Variants in TRH observed in about 807,000 individuals in gnomAD.
The protein encoded by TRH is thyrotropin releasing hormone.
In TRH, 5 loss-of-function variants were observed where a neutral mutation model predicts 5.2. That is an observed-to-expected ratio of 0.95 (90% CI 0.50 to 2.00). TRH has a LOEUF of 2.00. Among genes scored for constraint, TRH ranks in the 30% most tolerant of loss-of-function variants. The pLI is 0.01. For missense variants in TRH, 318 were observed against 312.8 expected (o/e 1.02, Z -0.13); for synonymous variants, 131 against 128.6 (o/e 1.02, Z -0.13).
rs761922400 is a variant in TRH at position 129,977,152 on chromosome 3, C to T, written c.665C>T (p.Ala222Val). The change falls in exon 3 of 3, where the codon GCT (alanine) becomes GTT (valine). Residue 222 changes from alanine to valine, a missense_variant. Transcript: ENST00000302649. Reference sequence around the variant, plus strand: ...GATGACCTGAGTAGGAGCCAGGGAGCTGAGGAAAAGCGGCAGCACCCTGGT... The same window carrying T: ...GATGACCTGAGTAGGAGCCAGGGAGTTGAGGAAAAGCGGCAGCACCCTGGT... Reference protein sequence around the residue: ...LLDDLSRSQGAEEKRQHPGRR... With the variant: ...LLDDLSRSQGVEEKRQHPGRR... 4 of 1,523,504 alleles carry T rather than the reference C, an allele frequency of 2.6e-6. No homozygotes were observed. The East Asian group carries it at 9.1e-5, about 35-fold the overall frequency. 94.4% of individuals were successfully genotyped at this position (1,523,504 alleles called of 1,614,324 possible).
intron 2 of TRH, 90 bp from the exon 3 acceptor site, chr3:129,976,608 AC>A (rs1279335918): frequency 1.4e-6 from 2 of 1,421,062 alleles, no homozygotes; most frequent in Non-Finnish European, 1.9e-6. Context: ...CAGGAAATGT[AC>A]CCTGCCTGGG....
At position 129,977,261 on chromosome 3, in the gene TRH, G is replaced by C; in HGVS notation, c.*45G>C. On this transcript the variant is annotated 3_prime_UTR_variant, in exon 3 of 3. Coordinates refer to ENST00000302649, the MANE Select transcript of TRH (RefSeq NM_007117.5). ...CGAGTTTGTGGTCTAAGGATGTCTT[G>C]AGCCCTGTGTGCCCCACCATTCATG... 1.3e-6 allele frequency: 2 copies of C among 1,503,438 alleles called. No individual in the cohort carries two copies. The highest frequency in any genetic ancestry group is 1.4e-5 in the South Asian group (1 of 71,782). 93.1% of individuals were successfully genotyped at this position (1,503,438 alleles called of 1,614,324 possible).
Position 129,976,811 on chromosome 3 carries a change from G to A in TRH, c.324G>A (p.Val108=), listed in dbSNP as rs957831458. Reference sequence around the variant, plus strand: ...AGGAAGAGGAAGAAGGGGGGGCTGTGGGACCCCACAAACGGCAGCACCCTG... The same window carrying A: ...AGGAAGAGGAAGAAGGGGGGGCTGTAGGACCCCACAAACGGCAGCACCCTG... ...EEEEEEEGGA[V]GPHKRQHPGR... The change falls in exon 3 of 3, where the codon GTG becomes GTA. Residue 108 remains valine, a synonymous_variant. Coordinates refer to ENST00000302649, the MANE Select transcript of TRH (RefSeq NM_007117.5). The A allele has an allele frequency of 3.1e-6, 5 of 1,613,966 alleles. No individual in the cohort carries two copies. The African/African-American group carries it at 6.7e-5, about 22-fold the overall frequency.
In TRH at chr3:129,975,996, GC is replaced by G. The variant is rs1560666825; in HGVS notation, c.181del (p.Arg61GlyfsTer69). 6.2e-7 allele frequency: 1 copy of G among 1,614,154 alleles called. No individual in the cohort carries two copies. Among genetic ancestry groups the G allele is most frequent in the Non-Finnish European group, 8.5e-7 (1 of 1,179,992 alleles). On this transcript the variant is annotated frameshift_variant, in exon 2 of 3. Transcript: ENST00000302649. LOFTEE classifies it low-confidence loss of function (END_TRUNC). The part of the protein sequence containing the change: ...RLLFLRENIQ[R>X]LQGDQGEHSA... Reference sequence around the variant, plus strand: ...TCCTCTTCCTCCGGGAAAACATCCAGCGGCTGCAAGGGGACCAGGGTGAGCA... The same window carrying G: ...TCCTCTTCCTCCGGGAAAACATCCAGGGCTGCAAGGGGACCAGGGTGAGCA...
rs1560667269 is a variant in TRH, at chr3:129,976,843, GAGA to G, written c.360_362del (p.Glu120del). 1.2e-6 allele frequency: 2 copies of G among 1,613,842 alleles called. No homozygotes were observed. The highest frequency in any genetic ancestry group is 8.5e-7 in the Non-Finnish European group (1 of 1,179,876). ...CACAAACGGCAGCACCCTGGCCGAC[GAGA>G]AGATGAGGCTTCATGGTCAGTCGAT... On this transcript the variant is annotated inframe_deletion, in exon 3 of 3. Coordinates refer to ENST00000302649, the MANE Select transcript of TRH (RefSeq NM_007117.5).
intron 1 of TRH, among the ~76,000 whole-genome samples, chr3:129,975,201 G>A (rs1451066939): frequency 6.6e-6 from 1 of 152,238 alleles, no homozygotes. Context: ...TAGCGTTGAA[G>A]TTAGGATTTT....
In TRH at chr3:129,977,706, G is replaced by A. The variant is rs567465570; in HGVS notation, c.*490G>A. ...CAGGACCCAGGATCTTCTCCTTTCTGGGCATCCCTTTGTGGGTGGGCAGAG... is the reference window on the plus strand; with the variant it reads ...CAGGACCCAGGATCTTCTCCTTTCTAGGCATCCCTTTGTGGGTGGGCAGAG... On this transcript the variant is annotated 3_prime_UTR_variant, in exon 3 of 3. Transcript: ENST00000302649. The A allele has an allele frequency of 6.5e-6, 1 of 153,408 alleles. No homozygotes were observed. Among genetic ancestry groups the A allele is most frequent in the Non-Finnish European group, 1.4e-5 (1 of 68,980 alleles). 9.5% of individuals were successfully genotyped at this position (153,408 alleles called of 1,614,324 possible).
chr3:129,976,994 A>AGAG lies in TRH; in HGVS notation c.519_521dup (p.Glu175dup). 1.9e-6 allele frequency: 3 copies of AGAG among 1,613,598 alleles called. No individual in the cohort carries two copies. Among genetic ancestry groups the AGAG allele is most frequent in the Non-Finnish European group, 2.5e-6 (3 of 1,179,872 alleles). ...CCAAGGCTCAAAGGAGCTGGGAAGAAGAGGAGGAGGAGGAAGAGAGAGAGG... is the reference window on the plus strand; with the variant it reads ...CCAAGGCTCAAAGGAGCTGGGAAGAAGAGGAGGAGGAGGAGGAAGAGAGAGAGG... On this transcript the variant is annotated inframe_insertion, in exon 3 of 3. Coordinates refer to ENST00000302649, the MANE Select transcript of TRH (RefSeq NM_007117.5).
At position 129,976,047 on chromosome 3, in the gene TRH, G is replaced by A. The variant is rs775532998; in HGVS notation, c.211+20G>A. 6.2e-7 allele frequency: 1 copy of A among 1,610,602 alleles called. No homozygotes were observed. Among genetic ancestry groups the A allele is most frequent in the Non-Finnish European group, 8.5e-7 (1 of 1,178,100 alleles). ...ACTCCGGTGAGTGGATGGGGCTGTTGGGGGCTGTGGGGCTAGGCTATTGGG... is the reference window on the plus strand; with the variant it reads ...ACTCCGGTGAGTGGATGGGGCTGTTAGGGGCTGTGGGGCTAGGCTATTGGG... On this transcript the variant is annotated intron_variant, in intron 2 of 2. Transcript: ENST00000302649.
Position 129,975,921 on chromosome 3 carries a change from G to T in TRH, c.105G>T (p.Thr35=). The T allele has an allele frequency of 6.2e-7, 1 of 1,613,504 alleles. No individual in the cohort carries two copies. The highest frequency in any genetic ancestry group is 8.5e-7 in the Non-Finnish European group (1 of 1,179,876). The change falls in exon 2 of 3, where the codon ACG becomes ACT. Residue 35 remains threonine (T), a synonymous_variant. Transcript: ENST00000302649. ...AGGCGGCCCAGCAGGAGGCAGTGAC[G>T]GCCGCGGAGCATCCGGGCCTGGATG... The part of the protein sequence containing the change: ...QPEAAQQEAV[T]AAEHPGLDDF...
chr3:129,976,743 C>A lies in TRH; in HGVS notation c.256C>A (p.Pro86Thr), dbSNP rs773131803. 4.3e-6 allele frequency: 7 copies of A among 1,613,856 alleles called. No homozygotes were observed. Among genetic ancestry groups the A allele is most frequent in the Middle Eastern group, 1.7e-4 (1 of 6,060 alleles). ...QSDWLSKRQHPGKREEEEEEG... is the reference protein window; with the variant it reads ...QSDWLSKRQHTGKREEEEEEG... ...TGACTGGCTCTCCAAACGTCAGCATCCAGGCAAAAGAGAGGAGGAGGAGGA... is the reference window on the plus strand; with the variant it reads ...TGACTGGCTCTCCAAACGTCAGCATACAGGCAAAAGAGAGGAGGAGGAGGA... The change falls in exon 3 of 3, where the codon CCA becomes ACA. Residue 86 changes from proline to threonine, a missense_variant. By Grantham distance (38) the Pro-to-Thr change is conservative. Transcript: ENST00000302649.
rs956788272 is a variant in TRH, at chr3:129,977,408, G to C, written c.*192G>C. On this transcript the variant is annotated 3_prime_UTR_variant, in exon 3 of 3. Transcript: ENST00000302649. Reference sequence around the variant, plus strand: ...TTCCTTTAGGCATGTGAGAAAATCAGCCTAGCAGTTTAAACCCCACTTTCC... The same window carrying C: ...TTCCTTTAGGCATGTGAGAAAATCACCCTAGCAGTTTAAACCCCACTTTCC... 2.8e-6 allele frequency: 2 copies of C among 716,808 alleles called. No individual in the cohort carries two copies. The highest frequency in any genetic ancestry group is 4.0e-6 in the Non-Finnish European group (2 of 497,448). The allele number at this position is 716,808 out of a possible 1,614,324, so 44.4% of individuals were successfully genotyped here. A position where few individuals can be genotyped will look rare whatever the true frequency, so the allele number is the denominator to read the frequency against.
rs1313695492 is a variant in TRH, at chr3:129,976,807, C to A, written c.320C>A (p.Ala107Asp). The change falls in exon 3 of 3, where the codon GCT becomes GAT. Residue 107 changes from alanine (A) to aspartate (D), a missense_variant. Physicochemically the swap from Ala to Asp is moderately radical, Grantham distance 126. Transcript: ENST00000302649. ...GAAGAGGAAGAGGAAGAAGGGGGGG[C>A]TGTGGGACCCCACAAACGGCAGCAC... is the stretch of plus-strand genomic sequence containing the variant. Reference protein sequence around the residue: ...VEEEEEEEGGAVGPHKRQHPG... With the variant: ...VEEEEEEEGGDVGPHKRQHPG... 5.6e-6 allele frequency: 9 copies of A among 1,613,656 alleles called. No individual in the cohort carries two copies. Among genetic ancestry groups the A allele is most frequent in the South Asian group, 1.1e-5 (1 of 91,062 alleles).
At chr3:129,975,708 G>A (rs946420177) in intron 1 of TRH, 101 bp from the exon 2 acceptor site, 5 of 1,258,744 alleles carry the variant, frequency 4.0e-6, no homozygotes, top group African/African-American at 1.5e-5. Flanking sequence ...CTGGGAGGGC[G>A]GTTGAACTGT....
Position 129,977,088 on chromosome 3 carries a change from G to C in TRH, c.601G>C (p.Gly201Arg). 6.3e-7 allele frequency: 1 copy of C among 1,592,678 alleles called. No individual in the cohort carries two copies. Among genetic ancestry groups the C allele is most frequent in the Non-Finnish European group, 8.6e-7 (1 of 1,169,586 alleles). The change falls in exon 3 of 3, where the codon GGA (glycine) becomes CGA (arginine). Residue 201 changes from glycine to arginine, a missense_variant. By Grantham distance (125) the Gly-to-Arg change is moderately radical. Coordinates refer to ENST00000302649, the MANE Select transcript of TRH (RefSeq NM_007117.5). ...CCTGGGAGGCCCCTGTGGGCCCCAGGGAGCCTATGGTCAAGCGGGCCTTCT... is the reference window on the plus strand; with the variant it reads ...CCTGGGAGGCCCCTGTGGGCCCCAGCGAGCCTATGGTCAAGCGGGCCTTCT... ...RALGGPCGPQ[G>R]AYGQAGLLLG...
intron 1 of TRH, among the ~76,000 whole-genome samples, chr3:129,975,174 C>T (rs1197156930): frequency 2.0e-5 from 3 of 152,290 alleles, no homozygotes; most frequent in East Asian, 3.9e-4. Flanking sequence ...CCAATCTCAA[C>T]GCTAGAAATA....
intron 1 of TRH, among the ~76,000 whole-genome samples, chr3:129,975,332 G>A (rs1028398671): frequency 6.6e-6 from 1 of 152,194 alleles, no homozygotes; most frequent in Non-Finnish European, 1.5e-5. Context: ...TGGGATCTTC[G>A]CGTTGGAATG....
chr3:129,976,154 C>T (rs776748386), intron 2 of TRH, 127 bp downstream of exon 2: 6 of 1,129,866 alleles, frequency 5.3e-6, no homozygotes, highest in Non-Finnish European at 7.5e-6. Flanking sequence ...AGAAACCCTC[C>T]CTGGCTGCGC....
chr3:129,976,751 A>G lies in TRH; in HGVS notation c.264A>G (p.Lys88=). ...TCTCCAAACGTCAGCATCCAGGCAA[A>G]AGAGAGGAGGAGGAGGAAGAGGGAG... The part of the protein sequence containing the change: ...DWLSKRQHPG[K]REEEEEEGVE... The change falls in exon 3 of 3, where the codon AAA becomes AAG. Residue 88 remains lysine (K), a synonymous_variant. Coordinates refer to ENST00000302649, the MANE Select transcript of TRH (RefSeq NM_007117.5). 6.2e-7 allele frequency: 1 copy of G among 1,613,914 alleles called. No individual in the cohort carries two copies. The highest frequency in any genetic ancestry group is 8.5e-7 in the Non-Finnish European group (1 of 1,179,982).
Sources: gnomAD v4.1 joint callset for allele counts (sites outside exome capture counted in the v4.1 genomes callset) on GRCh38, gnomAD v4.1.1 for gene constraint, MANE v1.5 for transcripts, NCBI Gene and HGNC (gene_info 2026-07-23, HGNC 2026-07-21) for gene names.